ATRN: variants seen among roughly 807,000 people sequenced by gnomAD.
ATRN encodes attractin, also known as attractin-2.
In ATRN, 54 loss-of-function variants were observed where a neutral mutation model predicts 178.7. The ratio of observed to expected loss-of-function variants is 0.30; its 90% CI spans 0.24 to 0.38. ATRN has a LOEUF of 0.38. ATRN is among the 10% of genes least tolerant of loss of function. ATRN has a pLI of 1.00. For synonymous variants in ATRN, 636 were observed against 663.0 expected, an observed-to-expected ratio of 0.96 and a Z score of 0.63; for missense variants, 1,443 against 1,815.1, an observed-to-expected ratio of 0.79 and a Z score of 3.73.
chr20:3,506,383 G>A (rs1349562207), intron 1 of ATRN, among the ~76,000 whole-genome samples: 1 of 152,114 alleles, frequency 6.6e-6, no homozygotes, highest in Admixed American at 6.6e-5. Context: ...CAGCACTTTG[G>A]GAGGCCGAGG....
chr20:3,647,093 T>C lies in ATRN; in HGVS notation c.*246T>C. The C allele has an allele frequency of 2.6e-6, 1 of 389,198 alleles. No individual in the cohort carries two copies. Among genetic ancestry groups the C allele is most frequent in the Non-Finnish European group, 4.5e-6 (1 of 219,800 alleles). The allele number at this position is 389,198 out of a possible 1,614,324, so 24.1% of individuals were successfully genotyped here. A position where few individuals can be genotyped will look rare whatever the true frequency, so the allele number is the denominator to read the frequency against. On this transcript the variant is annotated 3_prime_UTR_variant, in exon 29 of 29. Coordinates refer to ENST00000262919, the MANE Select transcript of ATRN (RefSeq NM_139321.3). The stretch of plus-strand genomic sequence containing the variant: ...TTTAATTACAGGTCCAGGGATGAGC[T>C]GATGGTTGCTGGAGGAGGCCAGTGT...
At chr20:3,479,910 G>A (rs1454865441) in intron 1 of ATRN, among the ~76,000 whole-genome samples, 1 of 152,130 alleles carries the variant, frequency 6.6e-6, no homozygotes, top group African/African-American at 2.4e-5. Flanking sequence ...GTGGATGAAC[G>A]AGTATGACAT....
intron 1 of ATRN, among the ~76,000 whole-genome samples, chr20:3,498,656 T>A (rs966328786): frequency 6.6e-6 from 1 of 152,172 alleles, no homozygotes; most frequent in African/African-American, 2.4e-5. Context: ...AAACTCTCAG[T>A]AAATTAGGTA....
In ATRN at chr20:3,524,336, A is replaced by G. The variant is rs238702; in HGVS notation, c.411-10917A>G. 3.6e-3 allele frequency among the ~76,000 whole-genome samples: 555 copies of G among 152,314 alleles called. 2 individuals are homozygous for G. Among genetic ancestry groups the G allele is most frequent in the Middle Eastern group, 0.01 (3 of 294 alleles). Reference sequence around the variant, plus strand: ...ACAAAGAAGGACATTACATAATGTTAAAGAGATCAATGCAACAAGAAGAGC... The same window carrying G: ...ACAAAGAAGGACATTACATAATGTTGAAGAGATCAATGCAACAAGAAGAGC... On this transcript the variant is annotated intron_variant, in intron 1 of 28. Transcript: ENST00000262919.
intron 24 of ATRN, among the ~76,000 whole-genome samples, chr20:3,610,567 AT>A (rs35770410): frequency 0.018 from 1,676 of 93,634 alleles, 7 homozygotes; most frequent in Admixed American, 0.025. Flanking sequence ...TTCCAGCTGA[AT>A]TTTTTTTTTT....
chr20:3,518,173 A>G (rs1294071213), intron 1 of ATRN, among the ~76,000 whole-genome samples: 3 of 152,180 alleles, frequency 2.0e-5, no homozygotes, highest in African/African-American at 7.2e-5. Context: ...GATGTCCAGG[A>G]TGTTGGCAAT....
At chr20:3,621,143 A>G (rs975670459) in intron 24 of ATRN, among the ~76,000 whole-genome samples, 35 of 152,112 alleles carry the variant, frequency 2.3e-4, no homozygotes, top group African/African-American at 6.3e-4. Flanking sequence ...AAGCAGATCA[A>G]TGGTGAGGGA....
intron 1 of ATRN, among the ~76,000 whole-genome samples, chr20:3,474,619 A>G (rs533184247): frequency 6.6e-6 from 1 of 151,734 alleles, no homozygotes; most frequent in East Asian, 1.9e-4. Flanking sequence ...AGGCAGGAGA[A>G]TGGCGTGAAC....
chr20:3,562,467 C>T lies in ATRN; in HGVS notation c.1631+8C>T. On this transcript the variant is annotated splice_region_variant and intron_variant, in intron 9 of 28. Transcript: ENST00000262919. ...TGTGGATACCCAGATGTGGTGGGTA[C>T]TTTTTCTTGAGCTTTCACTTTAAGG... 1 of 1,612,708 alleles carries T rather than the reference C, an allele frequency of 6.2e-7. No individual in the cohort carries two copies. The highest frequency in any genetic ancestry group is 8.5e-7 in the Non-Finnish European group (1 of 1,179,188).
At chr20:3,600,616 A>C (rs997910186) in intron 22 of ATRN, among the ~76,000 whole-genome samples, 2 of 152,144 alleles carry the variant, frequency 1.3e-5, no homozygotes. Context: ...GAGAATCCTT[A>C]GGAGGGTGAT....
chr20:3,624,632 A>G, intron 25 of ATRN, 60 bp downstream of exon 25: 1 of 1,285,326 alleles, frequency 7.8e-7, no homozygotes, highest in Non-Finnish European at 1.1e-6. Flanking sequence ...ATCCATTAAT[A>G]GAGTATCAGC....
Position 3,540,242 on chromosome 20 carries a change from T to A in ATRN, c.515T>A (p.Leu172His). ...TTCAGGCCAAATAGAATAATGAGAC[T>A]TCGTTTCAATCATTTTGCTACAGAG... ...IEGQPNRIMRLRFNHFATECS... is the reference protein window; with the variant it reads ...IEGQPNRIMRHRFNHFATECS... Residue 172 changes from leucine (L) to histidine (H), a missense_variant, in exon 3 of 29, where the codon CTT becomes CAT. Physicochemically the swap from Leu to His is moderately conservative, Grantham distance 99 (BLOSUM62 -3). Coordinates refer to ENST00000262919, the MANE Select transcript of ATRN (RefSeq NM_139321.3). 6.3e-7 allele frequency: 1 copy of A among 1,599,768 alleles called. No homozygotes were observed. Among genetic ancestry groups the A allele is most frequent in the Non-Finnish European group, 8.5e-7 (1 of 1,173,274 alleles).
At chr20:3,508,025 C>A (rs1161332548) in intron 1 of ATRN, among the ~76,000 whole-genome samples, 1 of 151,620 alleles carries the variant, frequency 6.6e-6, no homozygotes, top group Non-Finnish European at 1.5e-5. Flanking sequence ...CTTAAAGCAA[C>A]CAGTGGATTG....
chr20:3,639,150 G>A (rs1251232388), intron 27 of ATRN, among the ~76,000 whole-genome samples: 1 of 152,000 alleles, frequency 6.6e-6, no homozygotes, highest in Non-Finnish European at 1.5e-5. Context: ...TGTGTTCAGG[G>A]GATTTTAAAA....
intron 1 of ATRN, among the ~76,000 whole-genome samples, chr20:3,495,512 T>TGCACTGTGCCA (rs2084866147): frequency 6.6e-6 from 1 of 152,214 alleles, no homozygotes; most frequent in African/African-American, 2.4e-5. Flanking sequence ...TTAGTTAACC[T>TGCACTGTGCCA]TTTTGTTTAA....
chr20:3,572,298 C>G (rs1009977179), intron 11 of ATRN, among the ~76,000 whole-genome samples: 1 of 152,054 alleles, frequency 6.6e-6, no homozygotes, highest in African/African-American at 2.4e-5. Context: ...CTAAAATTTT[C>G]CAGTGACTCA....
At chr20:3,489,812 A>G in intron 1 of ATRN, 2 of 1,261,476 alleles carry the variant, frequency 1.6e-6, no homozygotes, top group Non-Finnish European at 2.3e-6. Context: ...CACAAATCTC[A>G]CAGTTATAGT....
chr20:3,570,506 T>C (rs1407164530), intron 11 of ATRN, among the ~76,000 whole-genome samples: 1 of 152,122 alleles, frequency 6.6e-6, no homozygotes, highest in Non-Finnish European at 1.5e-5. Flanking sequence ...AGATGACAAA[T>C]TAGGTTGTTT....
chr20:3,531,844 T>G (rs1026107774), intron 1 of ATRN, among the ~76,000 whole-genome samples: 1 of 152,202 alleles, frequency 6.6e-6, no homozygotes, highest in Admixed American at 6.5e-5. Flanking sequence ...TGATCATATC[T>G]ATGCATTATC....
Sources: gnomAD v4.1 joint callset for allele counts (sites outside exome capture counted in the v4.1 genomes callset) on GRCh38, gnomAD v4.1.1 for gene constraint, MANE v1.5 for transcripts, NCBI Gene and HGNC (gene_info 2026-07-23, HGNC 2026-07-21) for gene names.